Variants in PDXDC1 observed in about 807,000 individuals in gnomAD.
The protein encoded by PDXDC1 is pyridoxal dependent decarboxylase domain containing 1, also known as pyridoxal-dependent decarboxylase domain-containing protein 1.
A neutral mutation model predicts 100.1 loss-of-function variants in PDXDC1; 42 were observed. That is an observed-to-expected ratio of 0.42 (90% confidence interval 0.33 to 0.54). PDXDC1 has a LOEUF of 0.54. Among genes scored for constraint, PDXDC1 ranks in the 20% least tolerant of loss-of-function variants. The pLI is 0.10. For missense variants in PDXDC1, 636 were observed against 979.2 expected (o/e 0.65, Z 4.68); for synonymous variants, 260 against 371.7 (o/e 0.70, Z 3.46).
chr16:15,074,632 T>G, intron 16 of PDXDC1: 1 of 904,996 alleles, frequency 1.1e-6, no homozygotes, highest in Non-Finnish European at 1.6e-6. Context: ...TACAGGATTT[T>G]TAGTATTACT....
At chr16:15,049,597 C>T (rs1050684800) in intron 16 of PDXDC1, among the ~76,000 whole-genome samples, 4 of 151,736 alleles carry the variant, frequency 2.6e-5, no homozygotes, top group South Asian at 2.1e-4. Context: ...CCCAGCTTTT[C>T]GTATTTTTAG....
chr16:15,141,910 C>T (rs572082510), downstream of PDXDC1, among the ~76,000 whole-genome samples: 20 of 152,296 alleles, frequency 1.3e-4, no homozygotes, highest in African/African-American at 2.6e-4. Context: ...GACTTTTCAG[C>T]GGCTGCGGCG....
chr16:15,102,182 A>T (rs1011695486), intron 16 of PDXDC1, among the ~76,000 whole-genome samples: 2 of 151,274 alleles, frequency 1.3e-5, no homozygotes, highest in African/African-American at 2.4e-5. Flanking sequence ...TAGAGACAAG[A>T]GTCTCTCTTA....
At chr16:15,061,009 G>A (rs937769221) in intron 16 of PDXDC1, 1 of 152,172 alleles carries the variant, frequency 6.6e-6, no homozygotes, top group Non-Finnish European at 1.5e-5. Flanking sequence ...ACATCTACCT[G>A]GACCTCCATT....
chr16:15,060,013 A>C (rs953203987), intron 16 of PDXDC1: 1 of 173,136 alleles, frequency 5.8e-6, no homozygotes, highest in African/African-American at 2.4e-5. Flanking sequence ...AAAAAAAACA[A>C]AACAGAAATT....
intron 19 of PDXDC1, 122 bp downstream of exon 19, chr16:15,033,521 T>A: frequency 8.6e-7 from 1 of 1,168,240 alleles, no homozygotes; most frequent in Non-Finnish European, 1.2e-6. Context: ...TCTGTCAATG[T>A]TTCCTGTAAG....
chr16:15,094,374 G>T, intron 16 of PDXDC1: 1 of 735,016 alleles, frequency 1.4e-6, no homozygotes, highest in Non-Finnish European at 2.3e-6. Context: ...TATGCTCTCG[G>T]CGGGCTAGAG....
chr16:15,074,087 G>A (rs2045350515), intron 16 of PDXDC1, among the ~76,000 whole-genome samples: 1 of 152,196 alleles, frequency 6.6e-6, no homozygotes, highest in African/African-American at 2.4e-5. Flanking sequence ...GTTCTCTGAA[G>A]AGTAGAAATG....
At chr16:14,981,913 T>A (rs1435163913) in intron 1 of PDXDC1, among the ~76,000 whole-genome samples, 3 of 152,334 alleles carry the variant, frequency 2.0e-5, no homozygotes, top group African/African-American at 7.2e-5. Flanking sequence ...CACTGTAACC[T>A]CTGCCTCTGG....
intron 12 of PDXDC1, among the ~76,000 whole-genome samples, chr16:15,022,113 G>C (rs1261101167): frequency 1.3e-5 from 2 of 152,284 alleles, no homozygotes; most frequent in Non-Finnish European, 2.9e-5. Context: ...GAGGGACCTG[G>C]GATTGAGACA....
chr16:15,040,165 G>A (rs2043747578), downstream of PDXDC1: 2 of 659,026 alleles, frequency 3.0e-6, no homozygotes, highest in Non-Finnish European at 5.3e-6. Context: ...AGAAAGATAG[G>A]AAAGTGAACA....
At chr16:15,045,967 CT>C (rs1249952663) in intron 16 of PDXDC1, 1 of 147,808 alleles carries the variant, frequency 6.8e-6, no homozygotes, top group African/African-American at 2.5e-5. Flanking sequence ...ACCACCATGG[CT>C]TTGCCACTGG....
intron 16 of PDXDC1, chr16:15,130,196 A>G: frequency 1.3e-6 from 2 of 1,548,744 alleles, no homozygotes; most frequent in Non-Finnish European, 1.7e-6. Flanking sequence ...GCACAGGGTC[A>G]CTCACAGGAA....
chr16:15,039,895 C>G (rs1218520199), downstream of PDXDC1: 18 of 825,126 alleles, frequency 2.2e-5, 1 homozygote, highest in Non-Finnish European at 3.6e-5. Flanking sequence ...TTTCTAAGAT[C>G]CCAAAAACTT....
chr16:15,020,978 A>ACC (rs2042156111), intron 12 of PDXDC1, among the ~76,000 whole-genome samples: 1 of 102,456 alleles, frequency 9.8e-6, no homozygotes, highest in Non-Finnish European at 2.2e-5. Flanking sequence ...CCATCTAAAC[A>ACC]CACACACACA....
At chr16:15,099,754 G>A (rs1396665569) in intron 16 of PDXDC1, among the ~76,000 whole-genome samples, 1 of 152,112 alleles carries the variant, frequency 6.6e-6, no homozygotes, top group South Asian at 2.1e-4. Context: ...GTAATATATT[G>A]TTTGTAATAC....
Position 15,044,777 on chromosome 16 carries a change from A to C in PDXDC1, c.1399+14721A>C, listed in dbSNP as rs2043977472. 5 of 212,520 alleles carry C rather than the reference A, an allele frequency of 2.4e-5. No homozygotes were observed. In the South Asian group the frequency reaches 4.8e-4, roughly 20 times the overall value. 13.2% of individuals were successfully genotyped at this position (212,520 alleles called of 1,614,324 possible). ...GGTGGGCGGATCACTTGAGGTTAGG[A>C]GTCTTGAGACCAGCCTGGCCAACAT... On this transcript the variant is annotated intron_variant, in intron 16 of 16. Transcript: ENST00000535621.
At chr16:15,016,358 G>A in intron 9 of PDXDC1, 145 bp downstream of exon 9, 1 of 1,465,030 alleles carries the variant, frequency 6.8e-7, no homozygotes, top group Non-Finnish European at 9.0e-7. Context: ...ATTGGCTTAA[G>A]CCCAAAGAGA....
downstream of PDXDC1, among the ~76,000 whole-genome samples, chr16:15,141,215 T>A (rs2151934255): frequency 6.6e-6 from 1 of 152,260 alleles, no homozygotes; most frequent in East Asian, 1.9e-4. Context: ...CGCAGCAGCC[T>A]ACCCGGCGCA....
Sources: allele counts gnomAD v4.1 joint callset (sites outside exome capture counted in the v4.1 genomes callset), GRCh38; gene constraint gnomAD v4.1.1; transcripts MANE v1.5; gene names NCBI Gene and HGNC (gene_info 2026-07-23, HGNC 2026-07-21).